Variants in GUCY1B1 observed in about 807,000 individuals in gnomAD.
GUCY1B1 encodes the protein guanylate cyclase soluble subunit beta-1.
A neutral mutation model predicts 71.0 loss-of-function variants in GUCY1B1; 43 were observed. The observed-to-expected ratio is 0.61, with a 90% CI of 0.47 to 0.78. The LOEUF (loss-of-function observed/expected upper bound fraction) is 0.78. Among genes scored for constraint, GUCY1B1 ranks in the 30% least tolerant of loss-of-function variants. The pLI, the probability that GUCY1B1 is intolerant of heterozygous loss-of-function variation, is 0.00. For missense variants in GUCY1B1, 535 were observed against 754.1 expected (o/e 0.71, Z 3.40); for synonymous variants, 266 against 259.7 (o/e 1.02, Z -0.23).
chr4:155,802,285 C>T lies in GUCY1B1; in HGVS notation c.1176-57C>T. 4 of 1,605,598 alleles carry T rather than the reference C, an allele frequency of 2.5e-6. No homozygotes were observed. The South Asian group carries it at 4.4e-5, about 18-fold the overall frequency. ...TGCTGTGTGAAAAGGACAGCAGAAGCACTAAAGGCTTTCCCAGTATTTCTT... is the reference window on the plus strand; with the variant it reads ...TGCTGTGTGAAAAGGACAGCAGAAGTACTAAAGGCTTTCCCAGTATTTCTT... On this transcript the variant is annotated intron_variant, in intron 9 of 13. Coordinates refer to ENST00000264424, the MANE Select transcript of GUCY1B1 (RefSeq NM_000857.5). The surrounding 1 kb of genome is among the most constrained non-coding windows in gnomAD (Gnocchi z 4.3).
chr4:155,771,449 C>G (rs1737689921), intron 2 of GUCY1B1, among the ~76,000 whole-genome samples: 1 of 152,074 alleles, frequency 6.6e-6, no homozygotes, highest in Admixed American at 6.6e-5. Context: ...TTATGGGTTA[C>G]TAGAGATTGG....
Position 155,802,299 on chromosome 4 carries a change from C to G in GUCY1B1, c.1176-43C>G. 2 of 1,611,628 alleles carry G rather than the reference C, an allele frequency of 1.2e-6. No individual in the cohort carries two copies. The highest frequency in any genetic ancestry group is 1.7e-6 in the Non-Finnish European group (2 of 1,179,122). On this transcript the variant is annotated intron_variant, in intron 9 of 13. Coordinates refer to ENST00000264424, the MANE Select transcript of GUCY1B1 (RefSeq NM_000857.5). This position sits in a 1 kb window ranked among gnomAD's most constrained non-coding sequence, Gnocchi z 4.3. Reference sequence around the variant, plus strand: ...GACAGCAGAAGCACTAAAGGCTTTCCCAGTATTTCTTACAGTGGCTTTCTG... The same window carrying G: ...GACAGCAGAAGCACTAAAGGCTTTCGCAGTATTTCTTACAGTGGCTTTCTG...
chr4:155,777,719 C>A, intron 4 of GUCY1B1, 77 bp downstream of exon 4: 1 of 759,190 alleles, frequency 1.3e-6, no homozygotes, highest in South Asian at 1.5e-5. Flanking sequence ...TACTTTTGTT[C>A]ACTCAGCTGT....
chr4:155,786,297 A>T, intron 4 of GUCY1B1, among the ~76,000 whole-genome samples: 1 of 124,210 alleles, frequency 8.1e-6, no homozygotes, highest in Admixed American at 8.7e-5. Context: ...TTTTTGAGGC[A>T]GAATCTCACT....
At chr4:155,773,710 A>G (rs1238547954) in intron 2 of GUCY1B1, among the ~76,000 whole-genome samples, 6 of 152,096 alleles carry the variant, frequency 3.9e-5, no homozygotes, top group African/African-American at 1.4e-4. Flanking sequence ...CCTGTGTCCA[A>G]TCCATAGCAA....
intron 2 of GUCY1B1, among the ~76,000 whole-genome samples, chr4:155,768,299 G>A (rs1355786104): frequency 2.0e-5 from 3 of 152,116 alleles, no homozygotes; most frequent in African/African-American, 7.2e-5. Flanking sequence ...ACATATTGTA[G>A]TTAAGGAATA....
intron 6 of GUCY1B1, among the ~76,000 whole-genome samples, chr4:155,794,385 A>G (rs1240445798): frequency 6.6e-6 from 1 of 152,314 alleles, no homozygotes; most frequent in East Asian, 1.9e-4. Flanking sequence ...GTCACCTTTC[A>G]CATGTTTATT....
At chr4:155,785,565 C>A (rs961526628) in intron 4 of GUCY1B1, among the ~76,000 whole-genome samples, 4 of 151,838 alleles carry the variant, frequency 2.6e-5, no homozygotes, top group Non-Finnish European at 5.9e-5. Context: ...AAAGGGTTTT[C>A]TCTTGGCCAT....
intron 2 of GUCY1B1, among the ~76,000 whole-genome samples, chr4:155,760,756 C>CA (rs1342789080): frequency 2.0e-5 from 3 of 152,202 alleles, no homozygotes; most frequent in Non-Finnish European, 4.4e-5. Flanking sequence ...GAGCAACAGT[C>CA]AGACTATCAC....
At chr4:155,775,134 C>G (rs1170601014) in intron 3 of GUCY1B1, 66 bp downstream of exon 3, 1 of 843,706 alleles carries the variant, frequency 1.2e-6, no homozygotes, top group African/African-American at 1.7e-5. Context: ...ATGCATGGTT[C>G]AAGATCACAA....
Position 155,802,538 on chromosome 4 carries a change from G to T in GUCY1B1, c.1372G>T (p.Asp458Tyr). ...CCTCAACGACCTCTACACCAGATTTGACACACTGACTGATTCCCGGAAAAA... is the reference window on the plus strand; with the variant it reads ...CCTCAACGACCTCTACACCAGATTTTACACACTGACTGATTCCCGGAAAAA... ...NLLNDLYTRF[D>Y]TLTDSRKNPF... Residue 458 changes from aspartate (D) to tyrosine (Y), a missense_variant, in exon 10 of 14, where the codon GAC becomes TAC. Transcript: ENST00000264424. The surrounding 1 kb of genome is among the most constrained non-coding windows in gnomAD (Gnocchi z 4.3). 4 of 1,611,630 alleles carry T rather than the reference G, an allele frequency of 2.5e-6. No homozygotes were observed. Among genetic ancestry groups the T allele is most frequent in the Non-Finnish European group, 3.4e-6 (4 of 1,178,804 alleles).
intron 5 of GUCY1B1, 54 bp from the exon 6 acceptor site, chr4:155,793,802 T>C (rs1386931749): frequency 1.0e-5 from 8 of 802,642 alleles, no homozygotes; most frequent in Non-Finnish European, 1.7e-5. Context: ...ATTTAGGTAT[T>C]TTTATTAAAC....
intron 3 of GUCY1B1, among the ~76,000 whole-genome samples, chr4:155,776,053 A>C (rs1738021486): frequency 6.6e-6 from 1 of 152,196 alleles, no homozygotes; most frequent in Non-Finnish European, 1.5e-5. Context: ...TCAAAATTGA[A>C]ACAAACATGA....
At chr4:155,777,008 A>T (rs1384880391) in intron 3 of GUCY1B1, among the ~76,000 whole-genome samples, 1 of 152,232 alleles carries the variant, frequency 6.6e-6, no homozygotes, top group Non-Finnish European at 1.5e-5. Context: ...TTGCATATCC[A>T]TAAGAAGATA....
intron 4 of GUCY1B1, among the ~76,000 whole-genome samples, chr4:155,779,584 A>G (rs1260735918): frequency 1.3e-5 from 2 of 152,182 alleles, no homozygotes; most frequent in Non-Finnish European, 2.9e-5. Context: ...TTTCATCAAT[A>G]TTTTACATTA....
chr4:155,781,000 A>C (rs1738380674), intron 4 of GUCY1B1, among the ~76,000 whole-genome samples: 1 of 152,184 alleles, frequency 6.6e-6, no homozygotes, highest in South Asian at 2.1e-4. Context: ...TGACTCACTC[A>C]TCATAGCAAG....
At chr4:155,799,619 C>A (rs1372017926) in intron 8 of GUCY1B1, among the ~76,000 whole-genome samples, 2 of 152,236 alleles carry the variant, frequency 1.3e-5, no homozygotes, top group Middle Eastern at 3.4e-3. Flanking sequence ...TCTACATGAT[C>A]GTTTCAATTT....
chr4:155,783,999 T>G (rs2111077530), intron 4 of GUCY1B1, among the ~76,000 whole-genome samples: 1 of 152,302 alleles, frequency 6.6e-6, no homozygotes, highest in South Asian at 2.1e-4. Flanking sequence ...TTTCATAATT[T>G]TTCAAAATAT....
chr4:155,777,044 A>G lies in GUCY1B1; in HGVS notation c.179-480A>G, dbSNP rs1452073913. ...TCTTGAGGATGGGATTCAAGTCGAA[A>G]CATAAAATTCACTTATGTTTCATGT... is the stretch of plus-strand genomic sequence containing the variant. On this transcript the variant is annotated intron_variant, in intron 3 of 13. Coordinates refer to ENST00000264424, the MANE Select transcript of GUCY1B1 (RefSeq NM_000857.5). Among the ~76,000 whole-genome samples the G allele has an allele frequency of 3.9e-5, 6 of 152,194 alleles. No homozygotes were observed. In the East Asian group the frequency reaches 9.6e-4, roughly 24 times the overall value.
Sources: allele counts gnomAD v4.1 joint callset (sites outside exome capture counted in the v4.1 genomes callset), GRCh38; gene constraint gnomAD v4.1.1; non-coding constraint Gnocchi (gnomAD v3.1); transcripts MANE v1.5; gene names NCBI Gene and HGNC (gene_info 2026-07-23, HGNC 2026-07-21).